Variants in SLC35F4 observed in about 807,000 individuals in gnomAD.
SLC35F4 encodes chromosome 14 open reading frame 36.
A neutral mutation model predicts 44.2 loss-of-function variants in SLC35F4; 24 were observed. That is an observed-to-expected ratio of 0.54 (90% CI 0.39 to 0.76). The LOEUF is 0.76. Among genes scored for constraint, SLC35F4 ranks in the 30% least tolerant of loss-of-function variants. SLC35F4 has a pLI of 0.00. For missense variants in SLC35F4, 562 were observed against 586.1 expected (o/e 0.96, Z 0.42); for synonymous variants, 238 against 223.6 (o/e 1.06, Z -0.57).
intron 1 of SLC35F4, among the ~76,000 whole-genome samples, chr14:57,778,228 T>A (rs556772577): frequency 6.6e-6 from 1 of 152,368 alleles, no homozygotes; most frequent in East Asian, 1.9e-4. Context: ...GCCAGCCACA[T>A]GGAACTATAA....
At chr14:57,748,260 G>A (rs746322070) in intron 1 of SLC35F4, among the ~76,000 whole-genome samples, 1 of 152,044 alleles carries the variant, frequency 6.6e-6, no homozygotes, top group Admixed American at 6.6e-5. Flanking sequence ...TGAATTCTGG[G>A]ACTGCTTCCA....
chr14:57,611,040 G>C (rs1173860067), intron 1 of SLC35F4, among the ~76,000 whole-genome samples: 2 of 152,230 alleles, frequency 1.3e-5, no homozygotes, highest in African/African-American at 4.8e-5. Context: ...GTGCAGGGAT[G>C]CTTCTCTGAG....
At chr14:57,774,443 C>A (rs1424809649) in intron 1 of SLC35F4, among the ~76,000 whole-genome samples, 2 of 152,210 alleles carry the variant, frequency 1.3e-5, no homozygotes, top group Non-Finnish European at 2.9e-5. Flanking sequence ...GTCCAGAGGG[C>A]TTAGTGTGAG....
chr14:57,794,500 C>T (rs575765145), intron 1 of SLC35F4, among the ~76,000 whole-genome samples: 1 of 152,088 alleles, frequency 6.6e-6, no homozygotes, highest in South Asian at 2.1e-4. Flanking sequence ...TGAGATACCA[C>T]CTTACCTCAG....
chr14:57,695,214 A>T (rs1021447565), intron 1 of SLC35F4, among the ~76,000 whole-genome samples: 4 of 152,358 alleles, frequency 2.6e-5, no homozygotes, highest in Non-Finnish European at 2.9e-5. Flanking sequence ...AAAAGAAACT[A>T]TCATCAGAAT....
At chr14:57,979,523 C>T (rs982498029) in intron 1 of SLC35F4, among the ~76,000 whole-genome samples, 27 of 152,158 alleles carry the variant, frequency 1.8e-4, no homozygotes, top group Non-Finnish European at 2.9e-4. Flanking sequence ...CCTCTCATTC[C>T]CTGCTTCAGG....
chr14:57,917,137 T>C (rs1003646494), intron 1 of SLC35F4, among the ~76,000 whole-genome samples: 11 of 152,142 alleles, frequency 7.2e-5, no homozygotes, highest in Admixed American at 7.2e-4. Flanking sequence ...CTCAGCTCAC[T>C]GCAACCTCCA....
chr14:57,668,692 C>G (rs2074404347), intron 1 of SLC35F4, among the ~76,000 whole-genome samples: 1 of 152,012 alleles, frequency 6.6e-6, no homozygotes, highest in African/African-American at 2.4e-5. Context: ...TGGCCTATAT[C>G]TCTGTTTTAG....
chr14:57,929,742 G>T (rs910645060), intron 1 of SLC35F4, among the ~76,000 whole-genome samples: 4 of 152,104 alleles, frequency 2.6e-5, no homozygotes, highest in South Asian at 2.1e-4. Flanking sequence ...GAAGAAAGCC[G>T]CATGTTATAA....
At chr14:57,907,070 T>A (rs1231169992) in intron 1 of SLC35F4, among the ~76,000 whole-genome samples, 1 of 152,192 alleles carries the variant, frequency 6.6e-6, no homozygotes, top group Admixed American at 6.5e-5. Context: ...CTTTATGGAA[T>A]AATTTGCAAG....
At chr14:57,779,512 G>A (rs1190005632) in intron 1 of SLC35F4, among the ~76,000 whole-genome samples, 5 of 152,016 alleles carry the variant, frequency 3.3e-5, no homozygotes, top group African/African-American at 1.2e-4. Context: ...GTACAAAGAA[G>A]AGCTGATACC....
At chr14:57,730,940 T>C (rs956926480) in intron 1 of SLC35F4, among the ~76,000 whole-genome samples, 3 of 152,206 alleles carry the variant, frequency 2.0e-5, no homozygotes, top group African/African-American at 7.2e-5. Flanking sequence ...CTTCTCAGAA[T>C]GCGCCCTGTG....
At chr14:57,896,092 G>C (rs1888862785) in intron 1 of SLC35F4, among the ~76,000 whole-genome samples, 1 of 152,162 alleles carries the variant, frequency 6.6e-6, no homozygotes, top group Non-Finnish European at 1.5e-5. Context: ...GTGCTTGTCA[G>C]ATCCACTGTG....
chr14:57,808,734 A>C (rs868845158), intron 1 of SLC35F4, among the ~76,000 whole-genome samples: 22 of 152,346 alleles, frequency 1.4e-4, no homozygotes, highest in African/African-American at 5.3e-4. Context: ...TGAGTCCAGG[A>C]GGTCAAGGCT....
intron 4 of SLC35F4, among the ~76,000 whole-genome samples, chr14:57,572,694 T>C (rs950435446): frequency 6.6e-6 from 1 of 152,232 alleles, no homozygotes; most frequent in Non-Finnish European, 1.5e-5. Context: ...TTCATTTAAT[T>C]ACTCTAGAGC....
chr14:57,610,335 G>A (rs2071417186), intron 1 of SLC35F4, among the ~76,000 whole-genome samples: 1 of 152,112 alleles, frequency 6.6e-6, no homozygotes. Flanking sequence ...GTGAGAAACT[G>A]GAAGAGCCCA....
chr14:57,657,552 C>A (rs1011042453), intron 1 of SLC35F4, among the ~76,000 whole-genome samples: 17 of 152,272 alleles, frequency 1.1e-4, no homozygotes, highest in African/African-American at 4.1e-4. Flanking sequence ...TCATTTCCCC[C>A]AAAATCTAGG....
intron 1 of SLC35F4, among the ~76,000 whole-genome samples, chr14:57,641,928 G>A (rs1358833300): frequency 6.6e-6 from 1 of 151,870 alleles, no homozygotes; most frequent in African/African-American, 2.4e-5. Flanking sequence ...CATTATTTGG[G>A]ATTTATTAAA....
chr14:57,577,792 A>T (rs1406489880), intron 4 of SLC35F4, among the ~76,000 whole-genome samples: 1 of 152,322 alleles, frequency 6.6e-6, no homozygotes, highest in East Asian at 1.9e-4. Flanking sequence ...CTGGATTATC[A>T]CTTTCTAACA....
Sources: allele counts gnomAD v4.1 joint callset (sites outside exome capture counted in the v4.1 genomes callset), GRCh38; gene constraint gnomAD v4.1.1; transcripts MANE v1.5; gene names NCBI Gene and HGNC (gene_info 2026-07-23, HGNC 2026-07-21).